MYO5B: variants seen among roughly 807,000 people sequenced by gnomAD.
The protein encoded by MYO5B is myosin VB.
MYO5B carries 143 observed loss-of-function variants against 229.3 expected under a neutral mutation model. The observed-to-expected ratio is 0.62, with a 90% confidence interval of 0.54 to 0.72. The LOEUF is 0.72. Among genes scored for constraint, MYO5B ranks in the 30% least tolerant of loss-of-function variants. MYO5B has a pLI of 0.00. For synonymous variants in MYO5B, 918 were observed against 885.2 expected, an observed-to-expected ratio of 1.04 and a Z score of -0.66; for missense variants, 2,321 against 2,331.0, an observed-to-expected ratio of 1.00 and a Z score of 0.09.
At chr18:50,187,633 G>A (rs535841248) in intron 1 of MYO5B, among the ~76,000 whole-genome samples, 17 of 152,118 alleles carry the variant, frequency 1.1e-4, no homozygotes, top group East Asian at 9.6e-4. Flanking sequence ...CTCCCACCTC[G>A]GCCTCCAGAG....
intron 27 of MYO5B, chr18:49,871,570 T>C (rs147197775): frequency 6.4e-6 from 1 of 156,462 alleles, no homozygotes; most frequent in Non-Finnish European, 1.4e-5. Flanking sequence ...ACAAGTCAAG[T>C]GCAGCAGTAA....
chr18:50,165,212 C>T (rs1006897099), intron 1 of MYO5B, among the ~76,000 whole-genome samples: 2 of 152,192 alleles, frequency 1.3e-5, no homozygotes, highest in African/African-American at 4.8e-5. Context: ...CAGTGGCTGG[C>T]TCATGCCTGT....
chr18:50,020,173 T>C (rs1395873032), intron 4 of MYO5B, among the ~76,000 whole-genome samples: 2 of 152,196 alleles, frequency 1.3e-5, no homozygotes, highest in East Asian at 1.9e-4. Flanking sequence ...ACAGCATACA[T>C]TGCAGGCTCA....
At chr18:50,108,645 A>G (rs1417593549) in intron 1 of MYO5B, among the ~76,000 whole-genome samples, 1 of 152,182 alleles carries the variant, frequency 6.6e-6, no homozygotes, top group African/African-American at 2.4e-5. Context: ...GACCCCCGAC[A>G]AACATGCATC....
At chr18:49,889,978 C>T (rs1352028017) in intron 22 of MYO5B, among the ~76,000 whole-genome samples, 1 of 152,170 alleles carries the variant, frequency 6.6e-6, no homozygotes, top group African/African-American at 2.4e-5. Flanking sequence ...TTATTCTAAG[C>T]CATACATTAA....
chr18:50,019,149 A>G (rs2026247873), intron 4 of MYO5B, among the ~76,000 whole-genome samples: 1 of 152,244 alleles, frequency 6.6e-6, no homozygotes, highest in Non-Finnish European at 1.5e-5. Context: ...TTGAAAAGAG[A>G]AAAAGTTCAT....
At chr18:50,019,686 T>G (rs941667006) in intron 4 of MYO5B, among the ~76,000 whole-genome samples, 1 of 152,146 alleles carries the variant, frequency 6.6e-6, no homozygotes, top group Non-Finnish European at 1.5e-5. Flanking sequence ...GATTTTGCCA[T>G]TTTACTAAAG....
chr18:50,070,375 T>C (rs1443641093), intron 1 of MYO5B, among the ~76,000 whole-genome samples: 2 of 152,112 alleles, frequency 1.3e-5, no homozygotes, highest in African/African-American at 4.8e-5. Flanking sequence ...CCACTCCAAC[T>C]GATTTTCTAG....
At chr18:50,137,484 G>A (rs536958605) in intron 1 of MYO5B, among the ~76,000 whole-genome samples, 2 of 152,310 alleles carry the variant, frequency 1.3e-5, no homozygotes, top group South Asian at 2.1e-4. Context: ...AGCTGGAAAC[G>A]AGGAAGCTGT....
chr18:50,106,962 A>C (rs543519009), intron 1 of MYO5B, among the ~76,000 whole-genome samples: 1 of 152,228 alleles, frequency 6.6e-6, no homozygotes, highest in Admixed American at 6.5e-5. Flanking sequence ...TCACTAAGGG[A>C]GGGTGCAAAG....
rs774532712 is a variant in MYO5B at position 50,055,361 on chromosome 18, G to A, written c.45C>T (p.Ile15=). 1.1e-5 allele frequency: 17 copies of A among 1,613,468 alleles called. No individual in the cohort carries two copies. Among genetic ancestry groups the A allele is most frequent in the Non-Finnish European group, 1.4e-5 (16 of 1,179,642 alleles). The change falls in exon 2 of 40, where the codon ATC becomes ATT. Residue 15 remains isoleucine (I), a synonymous_variant. Coordinates refer to ENST00000285039, the MANE Select transcript of MYO5B (RefSeq NM_001080467.3). ...ELYSQCTRVW[I]PDPDEVWRSA... Reference sequence around the variant, plus strand: ...AGCGCCATACCTCATCAGGGTCAGGGATCCAGACCCTTGTGCACTGAAAGA... The same window carrying A: ...AGCGCCATACCTCATCAGGGTCAGGAATCCAGACCCTTGTGCACTGAAAGA...
intron 7 of MYO5B, among the ~76,000 whole-genome samples, 156 bp downstream of exon 7, chr18:49,990,283 A>G (rs887692888): frequency 1.3e-5 from 2 of 152,156 alleles, no homozygotes; most frequent in Non-Finnish European, 2.9e-5. Context: ...TTACTAATTG[A>G]GCAGTGAAAT....
intron 1 of MYO5B, among the ~76,000 whole-genome samples, chr18:50,159,407 T>C (rs751045219): frequency 6.6e-6 from 1 of 152,222 alleles, no homozygotes. Flanking sequence ...GTTTATTACC[T>C]TCTTCAACCC....
intron 26 of MYO5B, among the ~76,000 whole-genome samples, chr18:49,874,583 A>G (rs569474257): frequency 6.6e-6 from 1 of 152,370 alleles, no homozygotes; most frequent in East Asian, 1.9e-4. Context: ...TGCCAGCAAT[A>G]TAGATCAGAA....
At chr18:50,185,677 A>C (rs1344976664) in intron 1 of MYO5B, among the ~76,000 whole-genome samples, 2 of 152,266 alleles carry the variant, frequency 1.3e-5, no homozygotes, top group Non-Finnish European at 2.9e-5. Flanking sequence ...TGTCAACAAA[A>C]AACAAAAGGA....
intron 2 of MYO5B, among the ~76,000 whole-genome samples, chr18:50,043,359 AT>A: frequency 1.2e-5 from 1 of 85,318 alleles, no homozygotes; most frequent in Non-Finnish European, 2.2e-5. Context: ...TATAATATAA[AT>A]ATATTATATA....
At chr18:49,835,550 T>C in intron 38 of MYO5B, 126 bp from the exon 39 acceptor site, 1 of 711,044 alleles carries the variant, frequency 1.4e-6, no homozygotes, top group Non-Finnish European at 2.6e-6. Context: ...ACAACACAGA[T>C]GGAGCTGGAC....
At chr18:50,152,864 T>TAAAAAAAAAAAAAAAAAAAAA (rs67858852) in intron 1 of MYO5B, among the ~76,000 whole-genome samples, 1 of 125,442 alleles carries the variant, frequency 8.0e-6, no homozygotes, top group Non-Finnish European at 1.7e-5. Context: ...TTCTCAAAAC[T>TAAAAAAAAAAAAAAAAAAAAA]AAAAAAAAAA....
At chr18:49,904,610 T>C (rs1248957011) in intron 20 of MYO5B, 62 bp downstream of exon 20, 3 of 1,604,422 alleles carry the variant, frequency 1.9e-6, no homozygotes, top group Non-Finnish European at 1.7e-6. Flanking sequence ...TTGGCAGTAA[T>C]TCATCTGTTG....
Sources: gnomAD v4.1 joint callset for allele counts (sites outside exome capture counted in the v4.1 genomes callset) on GRCh38, gnomAD v4.1.1 for gene constraint, MANE v1.5 for transcripts, NCBI Gene and HGNC (gene_info 2026-07-23, HGNC 2026-07-21) for gene names.